The following NLGN1 variants were observed in gnomAD, a reference collection of about 807,000 sequenced individuals.
NLGN1 encodes the protein neuroligin 1, also known as neuroligin-1.
In NLGN1, 12 loss-of-function variants were observed where a neutral mutation model predicts 65.5. The observed-to-expected ratio is 0.18, with a 90% CI of 0.12 to 0.30. The LOEUF is 0.30. Among genes scored for constraint, NLGN1 ranks in the 10% least tolerant of loss-of-function variants. The pLI is 1.00. For synonymous variants in NLGN1, 350 were observed against 359.5 expected (o/e 0.97, Z 0.30); for missense variants, 750 against 1,007.1 (o/e 0.74, Z 3.46).
intron 4 of NLGN1, among the ~76,000 whole-genome samples, chr3:174,273,721 C>T (rs1051060134): frequency 6.6e-6 from 1 of 151,692 alleles, no homozygotes; most frequent in Non-Finnish European, 1.5e-5. Context: ...ATTCCACAAA[C>T]ACAGACACAC....
At chr3:173,656,148 A>T (rs1260186252) in intron 3 of NLGN1, among the ~76,000 whole-genome samples, 2 of 152,122 alleles carry the variant, frequency 1.3e-5, no homozygotes. Context: ...ATTTCCTGTC[A>T]TAGCTGAAGT....
intron 4 of NLGN1, among the ~76,000 whole-genome samples, chr3:174,273,441 G>T (rs1255973504): frequency 6.6e-6 from 1 of 151,578 alleles, no homozygotes; most frequent in African/African-American, 2.4e-5. Flanking sequence ...TCTTTCAGAA[G>T]TTTAAACTAA....
intron 4 of NLGN1, among the ~76,000 whole-genome samples, chr3:173,935,195 T>A (rs1332551036): frequency 1.3e-5 from 2 of 151,912 alleles, no homozygotes; most frequent in African/African-American, 4.8e-5. Context: ...TCCAACCTGG[T>A]TTTTTAGCAA....
intron 5 of NLGN1, among the ~76,000 whole-genome samples, chr3:174,276,982 G>A (rs2034137520): frequency 6.6e-6 from 1 of 151,746 alleles, no homozygotes; most frequent in South Asian, 2.1e-4. Flanking sequence ...GTATCAAACG[G>A]GCATTGGTTT....
At chr3:174,038,300 C>G (rs1300836906) in intron 4 of NLGN1, among the ~76,000 whole-genome samples, 3 of 152,126 alleles carry the variant, frequency 2.0e-5, no homozygotes, top group Non-Finnish European at 4.4e-5. Context: ...GCTCTGCAAC[C>G]AACAGACAGC....
At chr3:173,719,055 C>T (rs1026507046) in intron 3 of NLGN1, among the ~76,000 whole-genome samples, 3 of 152,166 alleles carry the variant, frequency 2.0e-5, no homozygotes, top group Non-Finnish European at 4.4e-5. Context: ...AGGACAGGCA[C>T]CATTCATGTT....
chr3:174,069,929 C>T (rs1057418191), intron 4 of NLGN1, among the ~76,000 whole-genome samples: 1 of 152,088 alleles, frequency 6.6e-6, no homozygotes, highest in South Asian at 2.1e-4. Flanking sequence ...TCTCAGTAAC[C>T]ACATCTGTAA....
At chr3:173,462,227 A>T (rs1052656298) in intron 2 of NLGN1, among the ~76,000 whole-genome samples, 1 of 152,152 alleles carries the variant, frequency 6.6e-6, no homozygotes, top group Non-Finnish European at 1.5e-5. Context: ...CCCCATTTTG[A>T]GCAACACTGA....
chr3:173,435,135 CA>C (rs1332577290), intron 2 of NLGN1: 1 of 152,644 alleles, frequency 6.6e-6, no homozygotes, highest in Non-Finnish European at 1.5e-5. Context: ...AAAGTAGTAA[CA>C]AAAGCTCCCA....
chr3:174,215,879 A>G (rs1195244136), intron 4 of NLGN1, among the ~76,000 whole-genome samples: 4 of 152,092 alleles, frequency 2.6e-5, no homozygotes, highest in African/African-American at 9.7e-5. Context: ...GCAGCCTCCC[A>G]GTGGGACAAC....
Position 174,124,115 on chromosome 3 carries a change from A to C in NLGN1, c.647-151200A>C, listed in dbSNP as rs974199976. Among the ~76,000 whole-genome samples, 14 of 152,214 alleles carry C rather than the reference A, an allele frequency of 9.2e-5. No individual in the cohort carries two copies. The East Asian group carries it at 2.5e-3, about 27-fold the overall frequency. On this transcript the variant is annotated intron_variant, in intron 4 of 6. Transcript: ENST00000457714. ...TTTCTGTGAGAATGTTCCCATCTAC[A>C]AGCCAGAAAGAGAGACCTCAGAAGG...
At chr3:173,775,792 T>C (rs1024133704) in intron 3 of NLGN1, among the ~76,000 whole-genome samples, 2 of 152,134 alleles carry the variant, frequency 1.3e-5, no homozygotes, top group Admixed American at 6.5e-5. Context: ...GAGTGACACT[T>C]TGTTAACTTA....
At chr3:173,414,344 G>A (rs1470489360) in intron 1 of NLGN1, among the ~76,000 whole-genome samples, 3 of 152,168 alleles carry the variant, frequency 2.0e-5, no homozygotes, top group Admixed American at 2.0e-4. Flanking sequence ...TAGAGGGCAT[G>A]TCTCCTGCTT....
chr3:173,592,312 G>A (rs1304045232), intron 2 of NLGN1, among the ~76,000 whole-genome samples: 2 of 151,996 alleles, frequency 1.3e-5, no homozygotes, highest in African/African-American at 2.4e-5. Context: ...CTAATATTTC[G>A]CCATTAGTTG....
chr3:173,611,416 C>G (rs957221562), intron 3 of NLGN1, among the ~76,000 whole-genome samples: 2 of 151,870 alleles, frequency 1.3e-5, no homozygotes, highest in Non-Finnish European at 1.5e-5. Flanking sequence ...ACAAAAACAG[C>G]ACAAAGCAAC....
chr3:173,814,945 C>T (rs1183365469), intron 4 of NLGN1, among the ~76,000 whole-genome samples: 1 of 152,080 alleles, frequency 6.6e-6, no homozygotes, highest in African/African-American at 2.4e-5. Flanking sequence ...AGAGCAGTTT[C>T]CCTGAGGAGG....
At position 173,722,992 on chromosome 3, in the gene NLGN1, G is replaced by A. The variant is rs112663044; in HGVS notation, c.494-84688G>A. Among the ~76,000 whole-genome samples the A allele has an allele frequency of 5.2e-4, 79 of 152,252 alleles. 1 individual carries two copies. Among genetic ancestry groups the A allele is most frequent in the Middle Eastern group, 3.4e-3 (1 of 294 alleles). ...GAGAAGATCTCCTTGATAAAATGAC[G>A]GTTAAACAGAGACCTGAATGAGGTA... is the stretch of plus-strand genomic sequence containing the variant. On this transcript the variant is annotated intron_variant, in intron 3 of 6. Coordinates refer to ENST00000457714, the Ensembl canonical transcript of NLGN1.
At chr3:173,718,562 A>C (rs562879417) in intron 3 of NLGN1, among the ~76,000 whole-genome samples, 20 of 152,292 alleles carry the variant, frequency 1.3e-4, no homozygotes, top group African/African-American at 4.8e-4. Flanking sequence ...AATCCTTAGA[A>C]GGTAGGTAGG....
chr3:174,145,726 T>C (rs1452997366), intron 4 of NLGN1, among the ~76,000 whole-genome samples: 1 of 152,234 alleles, frequency 6.6e-6, no homozygotes, highest in Non-Finnish European at 1.5e-5. Flanking sequence ...GACATGGCTA[T>C]CATTCTTGAT....
Sources: allele counts gnomAD v4.1 joint callset (sites outside exome capture counted in the v4.1 genomes callset), GRCh38; gene constraint gnomAD v4.1.1; transcripts MANE v1.5; gene names NCBI Gene and HGNC (gene_info 2026-07-23, HGNC 2026-07-21).